The following EXOC2 variants were observed in gnomAD, a reference collection of about 807,000 sequenced individuals.
The protein encoded by EXOC2 is SEC5-like 1.
A neutral mutation model predicts 131.8 loss-of-function variants in EXOC2; 70 were observed. The observed-to-expected ratio is 0.53, with a 90% CI of 0.44 to 0.65. The LOEUF is 0.65. Among genes scored for constraint, EXOC2 ranks in the 30% least tolerant of loss-of-function variants. The pLI is 0.00. For missense variants in EXOC2, 923 were observed against 1,108.6 expected (o/e 0.83, Z 2.38); for synonymous variants, 411 against 398.4 (o/e 1.03, Z -0.38).
At chr6:523,918 T>C (rs1441009977) in intron 23 of EXOC2, among the ~76,000 whole-genome samples, 1 of 152,186 alleles carries the variant, frequency 6.6e-6, no homozygotes, top group East Asian at 1.9e-4. Context: ...ACAATGTTAT[T>C]ATTTGAAGGT....
chr6:583,415 A>G (rs1759023610), intron 11 of EXOC2, among the ~76,000 whole-genome samples: 1 of 152,216 alleles, frequency 6.6e-6, no homozygotes, highest in Non-Finnish European at 1.5e-5. Flanking sequence ...TCCTTTTCAC[A>G]TAGCCTTTTT....
intron 11 of EXOC2, among the ~76,000 whole-genome samples, chr6:577,703 G>T (rs1212546541): frequency 1.3e-5 from 2 of 152,128 alleles, no homozygotes; most frequent in African/African-American, 4.8e-5. Context: ...AATTCAAAGT[G>T]CATTTACAGA....
intron 6 of EXOC2, among the ~76,000 whole-genome samples, chr6:614,948 A>AC (rs1554137890): frequency 6.6e-6 from 1 of 151,974 alleles, no homozygotes; most frequent in African/African-American, 2.4e-5. Flanking sequence ...GAAAATTACA[A>AC]TACACATTTT....
chr6:553,876 T>G lies in EXOC2; in HGVS notation c.2099A>C (p.His700Pro), dbSNP rs1360975079. The change falls in exon 21 of 28, where the codon CAT (histidine) becomes CCT (proline). Residue 700 changes from histidine to proline, a missense_variant. By Grantham distance (77) the His-to-Pro change is moderately conservative. Transcript: ENST00000230449. ...VSSPDLFGSI[H>P]EDFSLTSEQR... ...TACTGAGGTCAAGCTGAAGTCTTCATGGATACTTCCAAACAAGTCAGGGGA... is the reference window on the plus strand; with the variant it reads ...TACTGAGGTCAAGCTGAAGTCTTCAGGGATACTTCCAAACAAGTCAGGGGA... 3 of 1,613,970 alleles carry G rather than the reference T, an allele frequency of 1.9e-6. No homozygotes were observed. The highest frequency in any genetic ancestry group is 4.5e-5 in the East Asian group (2 of 44,886).
rs111241391 is a variant in EXOC2, at chr6:651,277, C to T, written c.-43-13416G>A. 7.3e-3 allele frequency among the ~76,000 whole-genome samples: 1,109 copies of T among 152,200 alleles called. 12 individuals carry two copies. Among genetic ancestry groups the T allele is most frequent in the African/African-American group, 0.024 (1,017 of 41,554 alleles). ...CTTGATCTCCTGACCTTGTGATCCTCCTGCCTCGGCCTCCCAAAGTGCTGG... is the reference window on the plus strand; with the variant it reads ...CTTGATCTCCTGACCTTGTGATCCTTCTGCCTCGGCCTCCCAAAGTGCTGG... On this transcript the variant is annotated intron_variant, in intron 1 of 27. Transcript: ENST00000230449.
chr6:596,460 T>C (rs1053033102), intron 10 of EXOC2, among the ~76,000 whole-genome samples: 4 of 150,436 alleles, frequency 2.7e-5, no homozygotes, highest in African/African-American at 1.0e-4. Flanking sequence ...CTCGAACTCC[T>C]GGGCTCAAGA....
chr6:584,453 CT>C (rs1403616508), intron 11 of EXOC2, among the ~76,000 whole-genome samples: 3 of 152,122 alleles, frequency 2.0e-5, no homozygotes, highest in African/African-American at 7.2e-5. Flanking sequence ...AAAATATGGA[CT>C]TTGTGTATCT....
intron 22 of EXOC2, among the ~76,000 whole-genome samples, chr6:547,370 A>G (rs1756921691): frequency 6.6e-6 from 1 of 152,184 alleles, no homozygotes; most frequent in Non-Finnish European, 1.5e-5. Flanking sequence ...CCTGGCTCAC[A>G]CCAGAGGAGT....
At chr6:612,833 C>G (rs554152896) in intron 6 of EXOC2, among the ~76,000 whole-genome samples, 1 of 152,126 alleles carries the variant, frequency 6.6e-6, no homozygotes, top group Admixed American at 6.5e-5. Context: ...TGTACCATAA[C>G]GAATATTCAC....
chr6:514,466 TAGAG>T (rs530657301), intron 23 of EXOC2, among the ~76,000 whole-genome samples: 17 of 152,288 alleles, frequency 1.1e-4, no homozygotes, highest in East Asian at 5.8e-4. Context: ...ACAGGAAACA[TAGAG>T]AGAGTTGCTC....
At chr6:566,053 A>T (rs1757948150) in intron 13 of EXOC2, among the ~76,000 whole-genome samples, 2 of 152,190 alleles carry the variant, frequency 1.3e-5, no homozygotes, top group South Asian at 4.1e-4. Context: ...TAAACTACGC[A>T]GCTTTTATCA....
chr6:545,166 A>C (rs1324145627), intron 22 of EXOC2, among the ~76,000 whole-genome samples: 2 of 151,824 alleles, frequency 1.3e-5, no homozygotes, highest in Admixed American at 6.5e-5. Flanking sequence ...AAAAAAAAAA[A>C]AAAAAAAAAA....
intron 23 of EXOC2, among the ~76,000 whole-genome samples, chr6:524,612 CTATTA>C (rs1488175611): frequency 9.2e-5 from 14 of 152,160 alleles, no homozygotes; most frequent in African/African-American, 3.4e-4. Flanking sequence ...AATATGCTTC[CTATTA>C]TATTTTCTGA....
chr6:603,456 GA>G (rs1318178318), intron 7 of EXOC2, among the ~76,000 whole-genome samples: 1 of 152,144 alleles, frequency 6.6e-6, no homozygotes, highest in Admixed American at 6.5e-5. Context: ...TGGAACTGAG[GA>G]AAGAGCTGAC....
At chr6:661,661 G>A (rs1234401159) in intron 1 of EXOC2, among the ~76,000 whole-genome samples, 1 of 151,946 alleles carries the variant, frequency 6.6e-6, no homozygotes. Context: ...AACAAATCCT[G>A]GAAACACAAC....
intron 20 of EXOC2, among the ~76,000 whole-genome samples, chr6:554,941 A>G (rs924654123): frequency 6.6e-6 from 1 of 152,230 alleles, no homozygotes; most frequent in Non-Finnish European, 1.5e-5. Flanking sequence ...TAGGAGTTAC[A>G]TATTTACATT....
intron 1 of EXOC2, among the ~76,000 whole-genome samples, chr6:688,944 A>G (rs1239774359): frequency 6.6e-6 from 1 of 152,170 alleles, no homozygotes; most frequent in Non-Finnish European, 1.5e-5. Flanking sequence ...AAAATCACAA[A>G]CCTTTAAAAT....
At chr6:539,685 A>T (rs1488192233) in intron 22 of EXOC2, among the ~76,000 whole-genome samples, 2 of 152,208 alleles carry the variant, frequency 1.3e-5, no homozygotes, top group Non-Finnish European at 2.9e-5. Context: ...AAACTTTTTG[A>T]TAATAATGTT....
chr6:577,767 C>T (rs561038288), intron 11 of EXOC2, among the ~76,000 whole-genome samples: 3 of 152,166 alleles, frequency 2.0e-5, no homozygotes, highest in Non-Finnish European at 2.9e-5. Flanking sequence ...CAAAAATACA[C>T]CTTACATTTT....
Sources: gnomAD v4.1 joint callset for allele counts (sites outside exome capture counted in the v4.1 genomes callset) on GRCh38, gnomAD v4.1.1 for gene constraint, MANE v1.5 for transcripts, NCBI Gene and HGNC (gene_info 2026-07-23, HGNC 2026-07-21) for gene names.